Variants in PCYT1A observed in about 807,000 individuals in gnomAD.
The protein encoded by PCYT1A is phosphate cytidylyltransferase 1A, choline.
PCYT1A carries 25 observed loss-of-function variants against 43.7 expected under a neutral mutation model. The observed-to-expected ratio is 0.57, with a 90% CI of 0.42 to 0.80. The LOEUF is 0.80. Ranked by LOEUF, PCYT1A falls within the 30% of genes least tolerant of loss-of-function variation. The probability of loss-of-function intolerance (pLI) is 0.00; values close to 1 mark genes in which losing one functional copy is unlikely to be tolerated. For missense variants in PCYT1A, 421 were observed against 474.2 expected (o/e 0.89, Z 1.04); for synonymous variants, 172 against 170.7 (o/e 1.01, Z -0.06).
intron 2 of PCYT1A, among the ~76,000 whole-genome samples, chr3:196,261,707 T>C (rs1725114587): frequency 1.3e-5 from 2 of 151,846 alleles, no homozygotes; most frequent in African/African-American, 4.8e-5. Flanking sequence ...GGAGAATTGC[T>C]TGAACTCGGG....
At position 196,242,172 on chromosome 3, in the gene PCYT1A, C is replaced by G; in HGVS notation, c.566-82G>C. The G allele has an allele frequency of 7.4e-7, 1 of 1,350,398 alleles. No homozygotes were observed. The highest frequency in any genetic ancestry group is 1.1e-6 in the Non-Finnish European group (1 of 951,166). The allele number at this position is 1,350,398 out of a possible 1,614,324, so 83.7% of individuals were successfully genotyped here. On this transcript the variant is annotated intron_variant, in intron 6 of 8. Transcript: ENST00000431016. The surrounding 1 kb of genome is among the most constrained non-coding windows in gnomAD (Gnocchi z 4.2). Reference sequence around the variant, plus strand: ...AAGACTAAATGGAAATTGGGGGCAACATTCCTTTCCTTTCCTCAAAAAGCA... The same window carrying G: ...AAGACTAAATGGAAATTGGGGGCAAGATTCCTTTCCTTTCCTCAAAAAGCA...
rs1488605880 is a variant in PCYT1A, at chr3:196,277,363, C to CT, written c.-10-6823dup. On this transcript the variant is annotated intron_variant, in intron 1 of 8. Transcript: ENST00000431016. The surrounding 1 kb of genome is among the most constrained non-coding windows in gnomAD (Gnocchi z 4.1). ...GTTTTACATTATATTCTACACTGTT[C>CT]TTTAAACTGAAGTCTTTAGATCCTT... 1.3e-5 allele frequency among the ~76,000 whole-genome samples: 2 copies of CT among 152,146 alleles called. No individual in the cohort carries two copies. The highest frequency in any genetic ancestry group is 4.8e-5 in the African/African-American group (2 of 41,428).
At position 196,247,298 on chromosome 3, in the gene PCYT1A, C is replaced by G; in HGVS notation, c.486+69G>C. On this transcript the variant is annotated intron_variant, in intron 5 of 8. Transcript: ENST00000431016. The surrounding 1 kb of genome is among the most constrained non-coding windows in gnomAD (Gnocchi z 4.8). ...ACACGGCTAGTGGAAAACCAGCCTA[C>G]GTGCCAGCAGCTTTGAGAGTTGAGG... is the stretch of plus-strand genomic sequence containing the variant. The G allele has an allele frequency of 6.5e-7, 1 of 1,537,290 alleles. No individual in the cohort carries two copies.
chr3:196,269,688 AT>A (rs1433253888), intron 2 of PCYT1A, among the ~76,000 whole-genome samples: 1 of 152,126 alleles, frequency 6.6e-6, no homozygotes. Context: ...ATAAAGGAGC[AT>A]AAGGTAGGCA....
At chr3:196,279,804 A>G (rs549313080) in intron 1 of PCYT1A, among the ~76,000 whole-genome samples, 3 of 138,454 alleles carry the variant, frequency 2.2e-5, no homozygotes, top group South Asian at 4.8e-4. Flanking sequence ...AAGTAGTTTT[A>G]GGGACTCCTA....
chr3:196,240,215 G>A (rs1724308198), intron 7 of PCYT1A, among the ~76,000 whole-genome samples: 1 of 151,938 alleles, frequency 6.6e-6, no homozygotes, highest in Non-Finnish European at 1.5e-5. Flanking sequence ...CTCTATCACT[G>A]GCTTATTCTA....
intron 2 of PCYT1A, among the ~76,000 whole-genome samples, chr3:196,261,789 CAA>C (rs72143123): frequency 5.6e-4 from 71 of 126,304 alleles, no homozygotes; most frequent in East Asian, 2.8e-3. Flanking sequence ...AACTCCATCT[CAA>C]AAAAAAAAAA....
chr3:196,269,362 C>G (rs56701784), intron 2 of PCYT1A, among the ~76,000 whole-genome samples: 35,862 of 152,094 alleles, frequency 0.24, 5,866 homozygotes, highest in East Asian at 0.76. Flanking sequence ...AGCTCTAGAA[C>G]TAAGCAGTGG....
chr3:196,266,051 T>C (rs940880837), intron 2 of PCYT1A, among the ~76,000 whole-genome samples: 62 of 149,968 alleles, frequency 4.1e-4, no homozygotes, highest in Non-Finnish European at 7.4e-4. Context: ...CAAGTGCCCA[T>C]TAAAAAAAAA....
intron 2 of PCYT1A, among the ~76,000 whole-genome samples, chr3:196,263,690 T>A (rs898319899): frequency 1.1e-4 from 16 of 152,146 alleles, no homozygotes; most frequent in Admixed American, 2.6e-4. Context: ...TGGAGTACAG[T>A]GGCGCGATCT....
intron 2 of PCYT1A, among the ~76,000 whole-genome samples, chr3:196,267,029 A>T (rs1725294896): frequency 6.6e-6 from 1 of 152,044 alleles, no homozygotes; most frequent in Non-Finnish European, 1.5e-5. Flanking sequence ...ATTAAAAAAA[A>T]TCAGCCGGAT....
intron 2 of PCYT1A, chr3:196,267,178 CA>C (rs878961519): frequency 0.095 from 18,280 of 192,992 alleles, 17 homozygotes; most frequent in South Asian, 0.14. Flanking sequence ...GACTCAGTCT[CA>C]AAAAAAAAAA....
chr3:196,259,005 C>T (rs996064846), intron 2 of PCYT1A, among the ~76,000 whole-genome samples: 3 of 152,222 alleles, frequency 2.0e-5, no homozygotes, highest in East Asian at 1.9e-4. Context: ...GTGTAAGATT[C>T]GTATTATTTA....
Position 196,236,018 on chromosome 3 carries a change from A to C in PCYT1A, c.*2670T>G, listed in dbSNP as rs1724152699. On this transcript the variant is annotated 3_prime_UTR_variant, in exon 9 of 9. Transcript: ENST00000431016. ...AAAACGATTAGACTGAGGTGGTAGA[A>C]GCTCACCAAAAGGGGAAAGGGAGTT... 6.6e-6 allele frequency: 1 copy of C among 152,234 alleles called. No homozygotes were observed. The highest frequency in any genetic ancestry group is 6.5e-5 in the Admixed American group (1 of 15,282). The allele number at this position is 152,234 out of a possible 1,614,324, so 9.4% of individuals were successfully genotyped here.
intron 1 of PCYT1A, among the ~76,000 whole-genome samples, chr3:196,285,152 A>G (rs1725871795): frequency 6.6e-6 from 1 of 152,174 alleles, no homozygotes; most frequent in Admixed American, 6.5e-5. Flanking sequence ...GGCACAATCA[A>G]TAGCACCTTC....
intron 3 of PCYT1A, among the ~76,000 whole-genome samples, chr3:196,256,356 GGT>G (rs1724951440): frequency 6.6e-6 from 1 of 151,976 alleles, no homozygotes; most frequent in Non-Finnish European, 1.5e-5. Flanking sequence ...CAGGCGTGGT[GGT>G]GCACACCTGT....
At position 196,269,700 on chromosome 3, in the gene PCYT1A, T is replaced by C. The variant is rs921594796; in HGVS notation, c.117+715A>G. The stretch of plus-strand genomic sequence containing the variant: ...GAGATAAAGGAGCATAAGGTAGGCA[T>C]AAACGGAAAAAGGTTCTCATCTAAG... On this transcript the variant is annotated intron_variant, in intron 2 of 8. Coordinates refer to ENST00000431016, the MANE Select transcript of PCYT1A (RefSeq NM_001312673.2). Among the ~76,000 whole-genome samples, 3 of 151,916 alleles carry C rather than the reference T, an allele frequency of 2.0e-5. No individual in the cohort carries two copies. The East Asian group carries it at 5.8e-4, about 29-fold the overall frequency.
chr3:196,247,376 G>C lies in PCYT1A; in HGVS notation c.477C>G (p.Ala159=), dbSNP rs184098710. The C allele has an allele frequency of 6.2e-7, 1 of 1,613,954 alleles. No homozygotes were observed. The highest frequency in any genetic ancestry group is 8.5e-7 in the Non-Finnish European group (1 of 1,179,980). Residue 159 remains alanine (A), a synonymous_variant, in exon 5 of 9, where the codon GCC becomes GCG. Transcript: ENST00000431016. The surrounding 1 kb of genome is among the most constrained non-coding windows in gnomAD (Gnocchi z 4.8). The part of the protein sequence containing the change: ...APWTLTPEFL[A]EHRIDFVAHD... ...GTGTCCAGTTTCTTACCCGGTGTTC[G>C]GCCAGGAACTCGGGTGTCAGCGTCC...
At chr3:196,267,644 A>G (rs1725315716) in intron 2 of PCYT1A, among the ~76,000 whole-genome samples, 1 of 151,974 alleles carries the variant, frequency 6.6e-6, no homozygotes, top group African/African-American at 2.4e-5. Context: ...TTGAGCCCAG[A>G]AAGTTGAGGC....
Sources: gnomAD v4.1 joint callset for allele counts (sites outside exome capture counted in the v4.1 genomes callset) on GRCh38, gnomAD v4.1.1 for gene constraint, Gnocchi (gnomAD v3.1) non-coding constraint, MANE v1.5 for transcripts, NCBI Gene and HGNC (gene_info 2026-07-23, HGNC 2026-07-21) for gene names.